TCERG1: variants seen among roughly 807,000 people sequenced by gnomAD.
The protein encoded by TCERG1 is TATA box binding protein (TBP)-associated factor, RNA polymerase II, S, 150kD.
In TCERG1, 37 loss-of-function variants were observed where a neutral mutation model predicts 144.7. That is an observed-to-expected ratio of 0.26 (90% CI 0.20 to 0.34). TCERG1 has a LOEUF of 0.34. Ranked by LOEUF, TCERG1 falls within the 10% of genes least tolerant of loss-of-function variation. TCERG1 has a pLI of 1.00. For missense variants in TCERG1, 1,027 were observed against 1,380.7 expected (o/e 0.74, Z 4.06); for synonymous variants, 492 against 458.2 (o/e 1.07, Z -0.94).
chr5:146,493,009 A>C lies in TCERG1; in HGVS notation c.2253A>C (p.Lys751Asn). The change falls in exon 16 of 23, where the codon AAA (lysine) becomes AAC (asparagine). Residue 751 changes from lysine (K) to asparagine (N), a missense_variant. Physicochemically the swap from Lys to Asn is moderately conservative, Grantham distance 94. Around this residue, in one of 6 missense-constraint regions of TCERG1, gnomAD observed 482 missense variants for 632.6 expected, o/e 0.76. Transcript: ENST00000679501. ...TGCAAGCCAAGGAAGATTTCAAAAA[A>C]ATGATGGAAGAAGCAAAATTTAATC... ...KIMQAKEDFK[K>N]MMEEAKFNPR... is the part of the protein sequence containing the mutation. 1 of 1,605,986 alleles carries C rather than the reference A, an allele frequency of 6.2e-7. No individual in the cohort carries two copies. Among genetic ancestry groups the C allele is most frequent in the Non-Finnish European group, 8.5e-7 (1 of 1,177,076 alleles).
chr5:146,480,332 GAATT>G (rs1765235699), intron 12 of TCERG1: 4 of 273,198 alleles, frequency 1.5e-5, no homozygotes, highest in Admixed American at 1.0e-4. Context: ...GATAGTTTTG[GAATT>G]AATTCTTTTT....
In TCERG1 at chr5:146,469,535, T is replaced by C; in HGVS notation, c.1199-9T>C. The C allele has an allele frequency of 6.4e-7, 1 of 1,567,030 alleles. No individual in the cohort carries two copies. The highest frequency in any genetic ancestry group is 8.6e-7 in the Non-Finnish European group (1 of 1,162,538). ...ACTTGGATCTAATTTTTTATTATTC[T>C]TTTTTTAGGTGTATTGCCAGGAATG... On this transcript the variant is annotated splice_polypyrimidine_tract_variant and intron_variant, in intron 6 of 22. Coordinates refer to ENST00000679501, the MANE Select transcript of TCERG1 (RefSeq NM_001382548.1).
intron 14 of TCERG1, 62 bp from the exon 15 acceptor site, chr5:146,483,478 A>T (rs1765545385): frequency 6.8e-7 from 1 of 1,466,986 alleles, no homozygotes; most frequent in South Asian, 1.2e-5. Flanking sequence ...TTCAAGCAAA[A>T]TTATGACCTT....
chr5:146,471,665 C>T, intron 9 of TCERG1, 89 bp downstream of exon 9: 6 of 1,012,656 alleles, frequency 5.9e-6, no homozygotes, highest in Admixed American at 2.3e-5. Flanking sequence ...GTGGCACGAT[C>T]TGGGCTCACT....
chr5:146,492,862 G>C, intron 15 of TCERG1, 58 bp from the exon 16 acceptor site: 1 of 1,183,314 alleles, frequency 8.5e-7, no homozygotes, highest in Non-Finnish European at 1.2e-6. Context: ...CAATAATTTG[G>C]TAGTTAAATT....
At chr5:146,456,198 G>A (rs1762825336) in intron 2 of TCERG1, among the ~76,000 whole-genome samples, 1 of 152,150 alleles carries the variant, frequency 6.6e-6, no homozygotes, top group Admixed American at 6.5e-5. Flanking sequence ...TCCTAATAAC[G>A]AATAGCCTCT....
At chr5:146,456,780 G>A (rs1205172132) in intron 2 of TCERG1, among the ~76,000 whole-genome samples, 2 of 152,120 alleles carry the variant, frequency 1.3e-5, no homozygotes, top group African/African-American at 2.4e-5. Context: ...TTTTAATTTT[G>A]AAACTCATTT....
At chr5:146,482,533 T>C (rs1765450516) in intron 13 of TCERG1, 59 bp from the exon 14 acceptor site, 6 of 1,485,400 alleles carry the variant, frequency 4.0e-6, no homozygotes, top group Non-Finnish European at 5.4e-6. Context: ...TTAAGATTTC[T>C]AATAAGATCT....
chr5:146,474,959 A>G lies in TCERG1; in HGVS notation c.1601+3383A>G, dbSNP rs374515440. ...TTGTTGGTCTGGAGCTGAACCCACA[A>G]TATCCGAGGTACGCCTGTCTACTTC... is the stretch of plus-strand genomic sequence containing the variant. On this transcript the variant is annotated intron_variant, in intron 9 of 22. Transcript: ENST00000679501. Among the ~76,000 whole-genome samples the G allele has an allele frequency of 2.0e-5, 3 of 152,158 alleles. No individual in the cohort carries two copies. The East Asian group carries it at 5.8e-4, about 29-fold the overall frequency.
At chr5:146,451,631 A>G (rs1432871612) in intron 1 of TCERG1, among the ~76,000 whole-genome samples, 1 of 151,118 alleles carries the variant, frequency 6.6e-6, no homozygotes, top group East Asian at 2.0e-4. Flanking sequence ...TCCGGCCCAT[A>G]TTCCTTTTTA....
At chr5:146,492,804 C>T (rs1766549981) in intron 15 of TCERG1, 116 bp from the exon 16 acceptor site, 1 of 689,840 alleles carries the variant, frequency 1.4e-6, no homozygotes, top group East Asian at 2.9e-5. Context: ...GTATAATTAT[C>T]TACAGTTAAT....
chr5:146,485,394 G>T (rs985907006), intron 15 of TCERG1, among the ~76,000 whole-genome samples: 2 of 152,106 alleles, frequency 1.3e-5, no homozygotes, highest in Non-Finnish European at 2.9e-5. Flanking sequence ...ATTGTATGAG[G>T]CTAGAAACTT....
In TCERG1 at chr5:146,468,552, A is replaced by G. The variant is rs914615926; in HGVS notation, c.1198+149A>G. 10 of 616,982 alleles carry G rather than the reference A, an allele frequency of 1.6e-5. No homozygotes were observed. In the African/African-American group the frequency reaches 1.7e-4, roughly 11 times the overall value. 38.2% of individuals were successfully genotyped at this position (616,982 alleles called of 1,614,324 possible). The stretch of plus-strand genomic sequence containing the variant: ...TGAGCAGTATAAATGCAGTTGTCAT[A>G]TTTGGCCAACACTTAATTTTCCCAA... On this transcript the variant is annotated intron_variant, in intron 6 of 22. Coordinates refer to ENST00000679501, the MANE Select transcript of TCERG1 (RefSeq NM_001382548.1).
chr5:146,476,329 ACT>A (rs1764835954), intron 9 of TCERG1, among the ~76,000 whole-genome samples: 1 of 152,172 alleles, frequency 6.6e-6, no homozygotes, highest in Non-Finnish European at 1.5e-5. Flanking sequence ...TGCTGAAAAT[ACT>A]GTTTCTCAAT....
At chr5:146,504,987 C>A (rs10463383) in intron 19 of TCERG1, among the ~76,000 whole-genome samples, 41,128 of 151,454 alleles carry the variant, frequency 0.27, 6,759 homozygotes, top group East Asian at 0.84. Flanking sequence ...CGGAGGCTGC[C>A]GTGAGCCGAG....
rs1411836588 is a variant in TCERG1, at chr5:146,459,018, T to TCAGGCC, written c.579_584dup (p.Ala241_Gln242dup). Reference sequence around the variant, plus strand: ...TTCAGGCTCAGGCCCAGGCGCAGGCTCAGGCCCAGGCGCAGGCTCAGGCCC... The same window carrying TCAGGCC: ...TTCAGGCTCAGGCCCAGGCGCAGGCTCAGGCCCAGGCCCAGGCGCAGGCTCAGGCCC... On this transcript the variant is annotated inframe_insertion, in exon 4 of 23. Transcript: ENST00000679501. 6 of 1,612,832 alleles carry TCAGGCC rather than the reference T, an allele frequency of 3.7e-6. No homozygotes were observed. In the East Asian group the frequency reaches 1.3e-4, roughly 36 times the overall value.
intron 9 of TCERG1, among the ~76,000 whole-genome samples, chr5:146,473,671 C>T (rs1764557712): frequency 6.6e-6 from 1 of 152,114 alleles, no homozygotes; most frequent in Non-Finnish European, 1.5e-5. Context: ...TCCTAGGGCC[C>T]TTGAGAATGA....
At chr5:146,495,305 A>G (rs1199975429) in intron 16 of TCERG1, among the ~76,000 whole-genome samples, 1 of 152,216 alleles carries the variant, frequency 6.6e-6, no homozygotes, top group African/African-American at 2.4e-5. Flanking sequence ...TCTTGTTGGC[A>G]CTAAGTAAGT....
chr5:146,459,139 C>G lies in TCERG1; in HGVS notation c.694C>G (p.Gln232Glu). The G allele has an allele frequency of 1.2e-6, 2 of 1,610,730 alleles. No homozygotes were observed. The highest frequency in any genetic ancestry group is 1.3e-5 in the African/African-American group (1 of 74,976). Residue 232 changes from glutamine to glutamate, a missense_variant, in exon 4 of 23, where the codon CAG becomes GAG. Around this residue, in one of 6 missense-constraint regions of TCERG1, gnomAD observed 187 missense variants for 169.1 expected, o/e 1.11. Transcript: ENST00000679501. ...CCAAGCCCAGGCCCAGGCTCAGGCT[C>G]AGGCACAAGCTCAGGCCCAGGCCCA... The part of the protein sequence containing the change: ...QAQAQAQAQA[Q>E]AQAQAQAQAQ...
Sources: gnomAD v4.1 joint callset for allele counts (sites outside exome capture counted in the v4.1 genomes callset) on GRCh38, gnomAD v4.1.1 for gene constraint, gnomAD v4.1.1 regional missense constraint, MANE v1.5 for transcripts, NCBI Gene and HGNC (gene_info 2026-07-23, HGNC 2026-07-21) for gene names.